The following CACNG3 variants were observed in gnomAD, a reference collection of about 807,000 sequenced individuals.
CACNG3 encodes the protein calcium voltage-gated channel auxiliary subunit gamma 3.
Under a neutral mutation model 28.5 loss-of-function variants are expected in CACNG3, and 3 were observed. The observed-to-expected ratio is 0.11, with a 90% confidence interval of 0.05 to 0.27. The LOEUF is 0.27. CACNG3 is among the 10% of genes least tolerant of loss of function. The pLI is 1.00. For missense variants in CACNG3, 236 were observed against 414.4 expected (o/e 0.57, Z 3.74); for synonymous variants, 174 against 162.2 (o/e 1.07, Z -0.55).
In CACNG3 at chr16:24,317,636, A is replaced by AAGAC. The variant is rs1567217589; in HGVS notation, c.212-29095_212-29094insCAGA. On this transcript the variant is annotated intron_variant, in intron 1 of 3. Transcript: ENST00000005284. The stretch of plus-strand genomic sequence containing the variant: ...AAAGAAAGAAAGAAAGACAGACAGA[A>AAGAC]AGAAAGAAAAGAAAAGAAAGAAAGA... Among the ~76,000 whole-genome samples the AAGAC allele has an allele frequency of 3.8e-4, 20 of 52,196 alleles. 2 individuals are homozygous for AAGAC. Among genetic ancestry groups the AAGAC allele is most frequent in the East Asian group, 1.1e-3 (2 of 1,888 alleles). 34.2% of individuals were successfully genotyped at this position (52,196 alleles called of 152,430 possible). A position where few individuals can be genotyped will look rare whatever the true frequency, so the allele number is the denominator to read the frequency against.
intron 1 of CACNG3, among the ~76,000 whole-genome samples, chr16:24,324,821 G>T (rs1367233194): frequency 6.6e-6 from 1 of 151,984 alleles, no homozygotes; most frequent in Non-Finnish European, 1.5e-5. Context: ...CTACTACAAG[G>T]CCAGCCCTTC....
At chr16:24,310,368 A>G (rs1193869819) in intron 1 of CACNG3, among the ~76,000 whole-genome samples, 1 of 152,190 alleles carries the variant, frequency 6.6e-6, no homozygotes, top group Non-Finnish European at 1.5e-5. Flanking sequence ...GTTCAAGACC[A>G]GCCTGGCCAA....
chr16:24,353,298 C>T (rs529997836), intron 2 of CACNG3, among the ~76,000 whole-genome samples: 1 of 152,188 alleles, frequency 6.6e-6, no homozygotes, highest in East Asian at 1.9e-4. Context: ...TTGTGTTGCA[C>T]AAGGCCCTGT....
intron 1 of CACNG3, among the ~76,000 whole-genome samples, chr16:24,341,996 G>A (rs1487175343): frequency 2.6e-5 from 4 of 152,214 alleles, no homozygotes; most frequent in Non-Finnish European, 4.4e-5. Flanking sequence ...GGCCAGGAGC[G>A]GTGGCTCACG....
In CACNG3 at chr16:24,361,620, A is replaced by G. The variant is rs780204835; in HGVS notation, c.705A>G (p.Ser235=). ...PPYRYRFRRR[S]SSRSTEPRSR... ...ACAGGTATCGATTCCGGAGGCGGTC[A>G]AGTTCTCGCTCCACCGAGCCCAGAT... is the stretch of plus-strand genomic sequence containing the variant. The change falls in exon 4 of 4, where the codon TCA becomes TCG. Residue 235 remains serine (S), a synonymous_variant. Transcript: ENST00000005284. This position sits in a 1 kb window ranked among gnomAD's most constrained non-coding sequence, Gnocchi z 6.8. 4.3e-6 allele frequency: 7 copies of G among 1,613,342 alleles called. No homozygotes were observed. The Admixed American group carries it at 1.0e-4, about 23-fold the overall frequency.
At chr16:24,357,983 G>T (rs568299189) in intron 3 of CACNG3, among the ~76,000 whole-genome samples, 2 of 152,194 alleles carry the variant, frequency 1.3e-5, no homozygotes, top group Non-Finnish European at 2.9e-5. Flanking sequence ...TGACGGGAAG[G>T]CAGAGGCTTG....
chr16:24,276,553 C>G (rs1175964652), intron 1 of CACNG3, among the ~76,000 whole-genome samples: 1 of 152,206 alleles, frequency 6.6e-6, no homozygotes, highest in African/African-American at 2.4e-5. Flanking sequence ...CTAGTTCTGT[C>G]TTTTCTTCTC....
chr16:24,357,232 TAAAAAAAAA>T (rs36102827), intron 3 of CACNG3, among the ~76,000 whole-genome samples: 88 of 113,268 alleles, frequency 7.8e-4, no homozygotes, highest in African/African-American at 2.8e-3. Flanking sequence ...CACTCCATCT[TAAAAAAAAA>T]AAAAAAAAAA....
chr16:24,283,693 T>A (rs1043716993), intron 1 of CACNG3, among the ~76,000 whole-genome samples: 2 of 152,242 alleles, frequency 1.3e-5, no homozygotes, highest in Non-Finnish European at 2.9e-5. Context: ...TAGTGTTAAA[T>A]AATGGTAGTG....
At chr16:24,342,282 T>C (rs927439863) in intron 1 of CACNG3, among the ~76,000 whole-genome samples, 1 of 151,982 alleles carries the variant, frequency 6.6e-6, no homozygotes, top group African/African-American at 2.4e-5. Context: ...TAAAATAAAA[T>C]AAAAATAAAA....
At chr16:24,306,957 T>A (rs1453814345) in intron 1 of CACNG3, among the ~76,000 whole-genome samples, 1 of 152,138 alleles carries the variant, frequency 6.6e-6, no homozygotes, top group African/African-American at 2.4e-5. Flanking sequence ...ACACAACTGA[T>A]TCACAGTTGA....
chr16:24,286,116 T>C (rs1389673616), intron 1 of CACNG3, among the ~76,000 whole-genome samples: 1 of 152,222 alleles, frequency 6.6e-6, no homozygotes, highest in African/African-American at 2.4e-5. Context: ...AGCTACATAA[T>C]GTTCCATAGA....
chr16:24,319,611 T>TTTTA (rs1555460695), intron 1 of CACNG3, among the ~76,000 whole-genome samples: 1 of 150,610 alleles, frequency 6.6e-6, no homozygotes. Flanking sequence ...TTTATTTATT[T>TTTTA]ATTTAATTTA....
intron 1 of CACNG3, among the ~76,000 whole-genome samples, chr16:24,280,031 A>G (rs1166849602): frequency 6.6e-6 from 1 of 152,192 alleles, no homozygotes; most frequent in African/African-American, 2.4e-5. Flanking sequence ...AAACATGTAC[A>G]TTCCAACCAC....
rs1900111234 is a variant in CACNG3, at chr16:24,362,196, G to A, written c.*333G>A. 1 of 211,274 alleles carries A rather than the reference G, an allele frequency of 4.7e-6. No individual in the cohort carries two copies. The highest frequency in any genetic ancestry group is 2.3e-5 in the African/African-American group (1 of 43,758). 13.1% of individuals were successfully genotyped at this position (211,274 alleles called of 1,614,324 possible). A position where few individuals can be genotyped will look rare whatever the true frequency, so the allele number is the denominator to read the frequency against. Reference sequence around the variant, plus strand: ...CTAAAAGTCACAGGTGGTGGCCAGGGGGGATTTCCGAATCTCCATCAGGCG... The same window carrying A: ...CTAAAAGTCACAGGTGGTGGCCAGGAGGGATTTCCGAATCTCCATCAGGCG... On this transcript the variant is annotated 3_prime_UTR_variant, in exon 4 of 4. Transcript: ENST00000005284.
At chr16:24,281,364 A>G (rs1382394089) in intron 1 of CACNG3, among the ~76,000 whole-genome samples, 1 of 146,404 alleles carries the variant, frequency 6.8e-6, no homozygotes, top group Non-Finnish European at 1.5e-5. Flanking sequence ...TACCCAGCTA[A>G]ATTTTTTGAC....
chr16:24,281,634 G>C (rs551758204), intron 1 of CACNG3, among the ~76,000 whole-genome samples: 3 of 152,082 alleles, frequency 2.0e-5, no homozygotes, highest in African/African-American at 7.2e-5. Context: ...GCAGACAAAG[G>C]GTCCCCGAAA....
chr16:24,334,117 T>C (rs1296057483), intron 1 of CACNG3, among the ~76,000 whole-genome samples: 2 of 152,212 alleles, frequency 1.3e-5, no homozygotes, highest in Non-Finnish European at 2.9e-5. Flanking sequence ...TGATATTTGC[T>C]CTTCCTTCCT....
At chr16:24,263,066 G>T (rs1898556145) in intron 1 of CACNG3, among the ~76,000 whole-genome samples, 1 of 152,186 alleles carries the variant, frequency 6.6e-6, no homozygotes, top group Admixed American at 6.5e-5. Flanking sequence ...TCAGCTTTTA[G>T]TACAGATTGA....
Sources: allele counts gnomAD v4.1 joint callset (sites outside exome capture counted in the v4.1 genomes callset), GRCh38; gene constraint gnomAD v4.1.1; non-coding constraint Gnocchi (gnomAD v3.1); transcripts MANE v1.5; gene names NCBI Gene and HGNC (gene_info 2026-07-23, HGNC 2026-07-21).